Variants in DLG2 observed in about 807,000 individuals in gnomAD.
DLG2 encodes disks large homolog 2.
In DLG2, 45 loss-of-function variants were observed where a neutral mutation model predicts 132.5. The observed-to-expected ratio is 0.34, with a 90% CI of 0.27 to 0.44. The LOEUF is 0.44. DLG2 is among the 20% of genes least tolerant of loss of function. DLG2 has a pLI of 1.00. For missense variants in DLG2, 1,045 were observed against 1,196.9 expected, an observed-to-expected ratio of 0.87 and a Z score of 1.87; for synonymous variants, 424 against 419.6, an observed-to-expected ratio of 1.01 and a Z score of -0.13.
chr11:85,416,855 G>C (rs2089904229), intron 3 of DLG2, among the ~76,000 whole-genome samples: 1 of 152,146 alleles, frequency 6.6e-6, no homozygotes, highest in African/African-American at 2.4e-5. Context: ...GAGATGATGG[G>C]ATTTTCTAAA....
intron 15 of DLG2, among the ~76,000 whole-genome samples, chr11:83,893,871 G>C (rs1209181595): frequency 6.6e-6 from 1 of 152,130 alleles, no homozygotes; most frequent in Non-Finnish European, 1.5e-5. Context: ...AGGAAAATGT[G>C]TTGACTTCAT....
At chr11:85,172,714 G>C (rs2078961172) in intron 4 of DLG2, among the ~76,000 whole-genome samples, 1 of 152,060 alleles carries the variant, frequency 6.6e-6, no homozygotes, top group Admixed American at 6.5e-5. Context: ...ATGCAAAGAA[G>C]GTAAGAATCA....
chr11:83,695,231 G>A lies in DLG2; in HGVS notation c.1826-61906C>T, dbSNP rs561578462. Among the ~76,000 whole-genome samples the A allele has an allele frequency of 5.9e-5, 9 of 152,278 alleles. No homozygotes were observed. The South Asian group carries it at 1.9e-3, about 32-fold the overall frequency. ...CAGTGTAATGGAGCATCTATTATAT[G>A]CCTGACCTAGTGCCAGGTTCTGGGA... On this transcript the variant is annotated intron_variant, in intron 18 of 27. Transcript: ENST00000376104.
intron 3 of DLG2, among the ~76,000 whole-genome samples, chr11:85,442,966 T>A (rs1185898158): frequency 1.3e-5 from 2 of 152,192 alleles, no homozygotes; most frequent in Non-Finnish European, 2.9e-5. Context: ...GGTTTTCTTT[T>A]TGAACAAGTT....
intron 6 of DLG2, among the ~76,000 whole-genome samples, chr11:85,075,468 A>T (rs1199854626): frequency 6.6e-6 from 1 of 151,960 alleles, no homozygotes; most frequent in East Asian, 1.9e-4. Context: ...GCATGTATTC[A>T]GTCACATATA....
At chr11:84,596,198 C>T (rs1191264752) in intron 6 of DLG2, among the ~76,000 whole-genome samples, 2 of 150,756 alleles carry the variant, frequency 1.3e-5, no homozygotes, top group East Asian at 3.9e-4. Flanking sequence ...CTGTCTCTCT[C>T]TCTCTCTCTC....
intron 7 of DLG2, among the ~76,000 whole-genome samples, chr11:84,527,512 AC>A (rs1291623209): frequency 6.6e-6 from 1 of 152,142 alleles, no homozygotes; most frequent in Non-Finnish European, 1.5e-5. Context: ...ATTGAAGTTT[AC>A]CCAAACCTCA....
At chr11:85,203,684 T>C (rs1485077620) in intron 4 of DLG2, among the ~76,000 whole-genome samples, 2 of 152,072 alleles carry the variant, frequency 1.3e-5, no homozygotes, top group African/African-American at 4.8e-5. Context: ...TCCAAACTCA[T>C]TGTATGAGGC....
intron 8 of DLG2, among the ~76,000 whole-genome samples, chr11:84,185,990 C>T (rs2096269160): frequency 6.6e-6 from 1 of 152,106 alleles, no homozygotes; most frequent in Non-Finnish European, 1.5e-5. Flanking sequence ...TATGTTATTC[C>T]AATTGCCTGT....
intron 6 of DLG2, among the ~76,000 whole-genome samples, chr11:84,633,024 T>C (rs2099634709): frequency 6.6e-6 from 1 of 152,164 alleles, no homozygotes; most frequent in Admixed American, 6.5e-5. Flanking sequence ...AGGACTCTGC[T>C]CCTGAGATGA....
At chr11:84,021,816 T>A (rs891715198) in intron 11 of DLG2, among the ~76,000 whole-genome samples, 1 of 152,054 alleles carries the variant, frequency 6.6e-6, no homozygotes, top group Admixed American at 6.6e-5. Context: ...GGAGTGCAAT[T>A]GGCTCACCTC....
intron 8 of DLG2, among the ~76,000 whole-genome samples, chr11:84,238,351 T>G (rs567078642): frequency 6.6e-6 from 1 of 152,018 alleles, no homozygotes; most frequent in South Asian, 2.1e-4. Context: ...TCTATGTCTA[T>G]GAAAAATACA....
At position 85,059,659 on chromosome 11, in the gene DLG2, C is replaced by A. The variant is rs940522125; in HGVS notation, c.357+52002G>T. On this transcript the variant is annotated intron_variant, in intron 6 of 27. Coordinates refer to ENST00000376104, the MANE Select transcript of DLG2 (RefSeq NM_001142699.3). ...CAAATATAATTTTGAGTGAAATAAG[C>A]AAGGGGAAAAATAGTCTACGATTCT... Among the ~76,000 whole-genome samples, 6 of 151,334 alleles carry A rather than the reference C, an allele frequency of 4.0e-5. 1 individual carries two copies. The highest frequency in any genetic ancestry group is 1.5e-4 in the African/African-American group (6 of 41,296).
chr11:85,017,639 A>G (rs2059682823), intron 6 of DLG2, among the ~76,000 whole-genome samples: 1 of 152,196 alleles, frequency 6.6e-6, no homozygotes, highest in South Asian at 2.1e-4. Context: ...CTTCAGAGAT[A>G]AGGGATTAAT....
chr11:83,790,369 A>T (rs1185635108), intron 17 of DLG2: 1 of 885,780 alleles, frequency 1.1e-6, no homozygotes, highest in East Asian at 2.4e-5. Flanking sequence ...GGAAAGAACC[A>T]TCTGGCAGGA....
intron 7 of DLG2, among the ~76,000 whole-genome samples, chr11:84,341,646 G>C (rs955162066): frequency 6.6e-6 from 1 of 152,232 alleles, no homozygotes; most frequent in Non-Finnish European, 1.5e-5. Flanking sequence ...CTGCCCAAGG[G>C]CGACTTTACC....
At chr11:83,976,197 C>T (rs1226673720) in intron 12 of DLG2, among the ~76,000 whole-genome samples, 1 of 151,818 alleles carries the variant, frequency 6.6e-6, no homozygotes, top group Non-Finnish European at 1.5e-5. Context: ...CAGTAGAGGG[C>T]AGTTGCTAGG....
chr11:84,750,033 C>T (rs895603851), intron 6 of DLG2, among the ~76,000 whole-genome samples: 3 of 152,136 alleles, frequency 2.0e-5, no homozygotes, highest in African/African-American at 7.2e-5. Context: ...CATTTCTATA[C>T]AATTTGGCTC....
intron 6 of DLG2, among the ~76,000 whole-genome samples, chr11:84,689,320 C>T (rs544514618): frequency 6.6e-6 from 1 of 151,594 alleles, no homozygotes; most frequent in Non-Finnish European, 1.5e-5. Flanking sequence ...TGTAATAAAG[C>T]AAGACTCTAT....
Sources: gnomAD v4.1 joint callset for allele counts (sites outside exome capture counted in the v4.1 genomes callset) on GRCh38, gnomAD v4.1.1 for gene constraint, MANE v1.5 for transcripts, NCBI Gene and HGNC (gene_info 2026-07-23, HGNC 2026-07-21) for gene names.